Variants in CNTNAP5 observed in about 807,000 individuals in gnomAD.
CNTNAP5 encodes the protein contactin-associated protein-like 5.
CNTNAP5 carries 72 observed loss-of-function variants against 150.2 expected under a neutral mutation model. The ratio of observed to expected loss-of-function variants is 0.48; its 90% CI spans 0.40 to 0.58. The LOEUF is 0.58. Ranked by LOEUF, CNTNAP5 falls within the 20% of genes least tolerant of loss-of-function variation. CNTNAP5 has a pLI of 0.00. For synonymous variants in CNTNAP5, 672 were observed against 619.8 expected, an observed-to-expected ratio of 1.08 and a Z score of -1.25; for missense variants, 1,636 against 1,626.2, an observed-to-expected ratio of 1.01 and a Z score of -0.10.
At chr2:124,033,690 G>GC (rs148246678) in intron 1 of CNTNAP5, among the ~76,000 whole-genome samples, 152,316 of 152,320 alleles carry the variant, frequency 1, 76,156 homozygotes, top group Non-Finnish European at 1. Flanking sequence ...TGGGCCTGGT[G>GC]CCACAGGGAA....
intron 1 of CNTNAP5, among the ~76,000 whole-genome samples, chr2:124,061,202 C>T (rs1682001543): frequency 6.6e-6 from 1 of 152,222 alleles, no homozygotes; most frequent in Non-Finnish European, 1.5e-5. Flanking sequence ...CTTGTTACTG[C>T]ATTTCACCTT....
At chr2:124,648,385 G>C (rs1678250812) in intron 13 of CNTNAP5, among the ~76,000 whole-genome samples, 1 of 152,230 alleles carries the variant, frequency 6.6e-6, no homozygotes, top group Admixed American at 6.5e-5. Flanking sequence ...TTATGTCTGG[G>C]GTGGAGGATG....
chr2:124,399,569 A>G (rs555255369), intron 3 of CNTNAP5, among the ~76,000 whole-genome samples: 3 of 152,000 alleles, frequency 2.0e-5, no homozygotes, highest in Non-Finnish European at 2.9e-5. Context: ...ATGAGCGAGC[A>G]TCCTAGATTT....
At chr2:124,048,550 TC>T (rs1458937142) in intron 1 of CNTNAP5, among the ~76,000 whole-genome samples, 1 of 152,194 alleles carries the variant, frequency 6.6e-6, no homozygotes, top group African/African-American at 2.4e-5. Flanking sequence ...TTGAGGGCTC[TC>T]TATACACTTT....
intron 1 of CNTNAP5, among the ~76,000 whole-genome samples, chr2:124,071,022 A>G (rs1179596297): frequency 6.6e-6 from 1 of 152,002 alleles, no homozygotes; most frequent in Non-Finnish European, 1.5e-5. Flanking sequence ...TAAAAGCAGA[A>G]AGCAATAACA....
At chr2:124,348,047 G>A (rs1260473713) in intron 3 of CNTNAP5, among the ~76,000 whole-genome samples, 1 of 152,000 alleles carries the variant, frequency 6.6e-6, no homozygotes, top group African/African-American at 2.4e-5. Context: ...AGCCAGGATG[G>A]TCTCGATCTC....
intron 19 of CNTNAP5, among the ~76,000 whole-genome samples, chr2:124,827,121 C>T (rs950316006): frequency 1.3e-5 from 2 of 152,066 alleles, no homozygotes; most frequent in African/African-American, 2.4e-5. Context: ...ACAGGATCTC[C>T]CTGTGTTGCT....
intron 10 of CNTNAP5, among the ~76,000 whole-genome samples, chr2:124,546,226 T>A (rs1695507724): frequency 6.6e-6 from 1 of 152,210 alleles, no homozygotes; most frequent in Admixed American, 6.5e-5. Flanking sequence ...ATCTAAATTT[T>A]TTCCTGCACA....
At chr2:124,643,416 T>A (rs1678135695) in intron 12 of CNTNAP5, among the ~76,000 whole-genome samples, 1 of 151,960 alleles carries the variant, frequency 6.6e-6, no homozygotes, top group African/African-American at 2.4e-5. Flanking sequence ...AAAGAGCAAA[T>A]TATCTTGAAG....
intron 3 of CNTNAP5, among the ~76,000 whole-genome samples, chr2:124,359,131 C>A (rs1371124523): frequency 6.6e-6 from 1 of 152,152 alleles, no homozygotes; most frequent in African/African-American, 2.4e-5. Flanking sequence ...GTTTGCATTT[C>A]TGTGGGATCG....
intron 12 of CNTNAP5, among the ~76,000 whole-genome samples, chr2:124,612,793 C>T (rs900449222): frequency 1.3e-5 from 2 of 152,120 alleles, no homozygotes; most frequent in African/African-American, 4.8e-5. Flanking sequence ...TGATTCATGC[C>T]TGTAATCCCA....
chr2:124,064,598 T>A (rs1682105993), intron 1 of CNTNAP5, among the ~76,000 whole-genome samples: 1 of 152,168 alleles, frequency 6.6e-6, no homozygotes, highest in South Asian at 2.1e-4. Context: ...TATAATTTCT[T>A]GACTTACAGA....
At chr2:124,257,825 C>A (rs539590640) in intron 3 of CNTNAP5, among the ~76,000 whole-genome samples, 13 of 152,142 alleles carry the variant, frequency 8.5e-5, no homozygotes, top group African/African-American at 3.1e-4. Flanking sequence ...TTTTTACCTT[C>A]ATCTCTCTAC....
At chr2:124,617,793 A>G (rs1017261537) in intron 12 of CNTNAP5, among the ~76,000 whole-genome samples, 1 of 152,178 alleles carries the variant, frequency 6.6e-6, no homozygotes, top group African/African-American at 2.4e-5. Flanking sequence ...ACGTATAAGG[A>G]CAATGACAAG....
chr2:124,588,697 A>G (rs2104957568), intron 11 of CNTNAP5, among the ~76,000 whole-genome samples: 1 of 152,278 alleles, frequency 6.6e-6, no homozygotes, highest in Admixed American at 6.5e-5. Flanking sequence ...ACGTCAATGT[A>G]ATAAGAATGT....
intron 3 of CNTNAP5, among the ~76,000 whole-genome samples, chr2:124,404,241 C>T (rs1021696264): frequency 6.6e-6 from 1 of 152,208 alleles, no homozygotes; most frequent in Non-Finnish European, 1.5e-5. Context: ...GTCACTGATG[C>T]AGAATTTTGT....
At chr2:124,215,669 G>A (rs555456981) in intron 1 of CNTNAP5, among the ~76,000 whole-genome samples, 256 of 147,374 alleles carry the variant, frequency 1.7e-3, no homozygotes, top group South Asian at 0.013. Flanking sequence ...TGGGTGGGTA[G>A]GGTTTATCTA....
intron 1 of CNTNAP5, among the ~76,000 whole-genome samples, chr2:124,208,684 C>T (rs1392084615): frequency 6.6e-6 from 1 of 152,166 alleles, no homozygotes; most frequent in East Asian, 1.9e-4. Flanking sequence ...ATAAATAGCT[C>T]TCATCCCCAA....
chr2:124,897,807 G>T (rs1323398372), intron 21 of CNTNAP5, among the ~76,000 whole-genome samples: 6 of 151,508 alleles, frequency 4.0e-5, no homozygotes, highest in Non-Finnish European at 7.4e-5. Context: ...TTGACCTTAT[G>T]TGTTTTGTCT....
Sources: allele counts gnomAD v4.1 joint callset (sites outside exome capture counted in the v4.1 genomes callset), GRCh38; gene constraint gnomAD v4.1.1; transcripts MANE v1.5; gene names NCBI Gene and HGNC (gene_info 2026-07-23, HGNC 2026-07-21).